Variants in SCEL observed in about 807,000 individuals in gnomAD.
The protein encoded by SCEL is sciellin.
A neutral mutation model predicts 117.6 loss-of-function variants in SCEL; 113 were observed. The ratio of observed to expected loss-of-function variants is 0.96; its 90% CI spans 0.83 to 1.12. SCEL has a LOEUF of 1.12. Ranked by LOEUF, SCEL falls within the 50% of genes most tolerant of loss-of-function variation. SCEL has a pLI of 0.00. For synonymous variants in SCEL, 270 were observed against 256.2 expected, an observed-to-expected ratio of 1.05 and a Z score of -0.51; for missense variants, 785 against 810.8, an observed-to-expected ratio of 0.97 and a Z score of 0.39.
intron 24 of SCEL, 55 bp downstream of exon 24, chr13:77,614,010 A>T: frequency 7.5e-7 from 1 of 1,336,440 alleles, no homozygotes; most frequent in South Asian, 1.2e-5. Context: ...CCCAAAATTA[A>T]TAGAAATGAT....
At chr13:77,597,984 CAG>C (rs1206173163) in intron 13 of SCEL, among the ~76,000 whole-genome samples, 5 of 150,142 alleles carry the variant, frequency 3.3e-5, no homozygotes, top group African/African-American at 5.1e-5. Flanking sequence ...TTTTTTGAGA[CAG>C]AGTCTTACTC....
intron 1 of SCEL, among the ~76,000 whole-genome samples, chr13:77,553,160 G>A (rs966428819): frequency 3.0e-4 from 46 of 152,174 alleles, no homozygotes; most frequent in African/African-American, 9.4e-4. Context: ...ACGTGACTTG[G>A]CCAATAACAA....
intron 24 of SCEL, among the ~76,000 whole-genome samples, chr13:77,617,171 G>A (rs753775179): frequency 7.2e-5 from 11 of 152,102 alleles, no homozygotes; most frequent in Non-Finnish European, 1.6e-4. Context: ...TTGATGGATT[G>A]CTGGACCTGT....
intron 1 of SCEL, among the ~76,000 whole-genome samples, chr13:77,540,125 C>T (rs1466845756): frequency 6.6e-6 from 1 of 152,014 alleles, no homozygotes; most frequent in Non-Finnish European, 1.5e-5. Flanking sequence ...CTCCCATTAC[C>T]AAAGTAAATC....
chr13:77,619,416 C>T (rs2089284911), intron 27 of SCEL, among the ~76,000 whole-genome samples: 1 of 152,130 alleles, frequency 6.6e-6, no homozygotes, highest in South Asian at 2.1e-4. Flanking sequence ...AGAAAGTACA[C>T]CCTGGACTTA....
At chr13:77,556,510 T>C in intron 2 of SCEL, 86 bp from the exon 3 acceptor site, 1 of 1,058,252 alleles carries the variant, frequency 9.4e-7, no homozygotes, top group Non-Finnish European at 1.5e-6. Flanking sequence ...GCCAATCAGA[T>C]GTGCCTCTCA....
At chr13:77,588,850 T>C (rs1032446999) in intron 9 of SCEL, among the ~76,000 whole-genome samples, 13 of 152,308 alleles carry the variant, frequency 8.5e-5, no homozygotes, top group South Asian at 8.3e-4. Flanking sequence ...TAGAGCTAGA[T>C]ATACTAGCAA....
chr13:77,608,217 G>GCCTTT, intron 20 of SCEL, 102 bp downstream of exon 20: 2 of 822,680 alleles, frequency 2.4e-6, no homozygotes, highest in Non-Finnish European at 3.9e-6. Context: ...GATCAGAAAG[G>GCCTTT]CTGAACCCCA....
In SCEL at chr13:77,589,279, A is replaced by G. The variant is rs1040951134; in HGVS notation, c.626+55A>G. The G allele has an allele frequency of 9.7e-6, 13 of 1,345,124 alleles. No homozygotes were observed. In the African/African-American group the frequency reaches 1.4e-4, roughly 15 times the overall value. The allele number at this position is 1,345,124 out of a possible 1,614,324, so 83.3% of individuals were successfully genotyped here. On this transcript the variant is annotated intron_variant, in intron 10 of 32. Coordinates refer to ENST00000349847, the MANE Select transcript of SCEL (RefSeq NM_144777.3). ...CAAAATGAAGTTCAAGGGAAATGAA[A>G]GTAAATGGACTGTGACCCGCTGTGG...
At chr13:77,609,828 C>T (rs957247061) in intron 21 of SCEL, among the ~76,000 whole-genome samples, 1 of 152,120 alleles carries the variant, frequency 6.6e-6, no homozygotes, top group Non-Finnish European at 1.5e-5. Flanking sequence ...GGACATCAAA[C>T]ATTTTCTAGA....
At chr13:77,619,804 A>G (rs2089310781) in intron 27 of SCEL, among the ~76,000 whole-genome samples, 1 of 152,168 alleles carries the variant, frequency 6.6e-6, no homozygotes, top group Non-Finnish European at 1.5e-5. Context: ...TAGGTTCAAT[A>G]ACCATGTTAT....
rs761544158 is a variant in SCEL at position 77,642,809 on chromosome 13, G to C, written c.2050+1G>C. The C allele has an allele frequency of 2.6e-6, 4 of 1,544,100 alleles. No individual in the cohort carries two copies. In the African/African-American group the frequency reaches 5.5e-5, roughly 21 times the overall value. On this transcript the variant is annotated splice_donor_variant, in intron 32 of 32. Coordinates refer to ENST00000349847, the MANE Select transcript of SCEL (RefSeq NM_144777.3). LOFTEE classifies it high-confidence loss of function. Reference sequence around the variant, plus strand: ...GAACCTTGCTACTCTAAAATTATGGGTAAGTGTTACACTCTAAGCATTTAA... The same window carrying C: ...GAACCTTGCTACTCTAAAATTATGGCTAAGTGTTACACTCTAAGCATTTAA...
At chr13:77,629,705 A>C (rs903209263) in intron 28 of SCEL, among the ~76,000 whole-genome samples, 1 of 152,180 alleles carries the variant, frequency 6.6e-6, no homozygotes, top group African/African-American at 2.4e-5. Flanking sequence ...GTGATCGGAG[A>C]CTTCAGAATG....
chr13:77,580,456 C>T (rs2086203987), intron 9 of SCEL, among the ~76,000 whole-genome samples: 1 of 152,274 alleles, frequency 6.6e-6, no homozygotes, highest in South Asian at 2.1e-4. Context: ...AGGTGCATCA[C>T]AAGGAACTAG....
intron 20 of SCEL, 55 bp from the exon 21 acceptor site, chr13:77,609,003 T>C: frequency 7.3e-7 from 1 of 1,362,484 alleles, no homozygotes; most frequent in Non-Finnish European, 1.0e-6. Context: ...ATCAAAACAG[T>C]CAATTGATTT....
At chr13:77,635,038 C>T (rs993128738) in intron 29 of SCEL, among the ~76,000 whole-genome samples, 1 of 152,120 alleles carries the variant, frequency 6.6e-6, no homozygotes, top group Non-Finnish European at 1.5e-5. Context: ...GTGGGGCACA[C>T]AAATGCTGGT....
At chr13:77,574,841 A>G (rs1593989657) in intron 9 of SCEL, among the ~76,000 whole-genome samples, 1 of 152,162 alleles carries the variant, frequency 6.6e-6, no homozygotes, top group East Asian at 1.9e-4. Context: ...TCTTTCACTA[A>G]TACACTGGTA....
chr13:77,610,059 C>G lies in SCEL; in HGVS notation c.1290C>G (p.Leu430=), dbSNP rs147624140. The change falls in exon 22 of 33, where the codon CTC becomes CTG. Residue 430 remains leucine, a synonymous_variant. Transcript: ENST00000349847. ...CTATGTTTTTAAGGGGCCAAAGTCT[C>G]GACAGCCTCATTAAAGTGACTCCTG... ...TEKSTEGGQS[L]DSLIKVTPER... is the part of the protein sequence containing the mutation. 1 of 1,609,462 alleles carries G rather than the reference C, an allele frequency of 6.2e-7. No homozygotes were observed. The highest frequency in any genetic ancestry group is 8.5e-7 in the Non-Finnish European group (1 of 1,177,552).
chr13:77,567,349 G>A (rs2085346027), intron 5 of SCEL, among the ~76,000 whole-genome samples: 2 of 152,156 alleles, frequency 1.3e-5, no homozygotes, highest in Admixed American at 1.3e-4. Flanking sequence ...AGCTGCTCAG[G>A]AGGCTGAGGC....
Sources: gnomAD v4.1 joint callset for allele counts (sites outside exome capture counted in the v4.1 genomes callset) on GRCh38, gnomAD v4.1.1 for gene constraint, MANE v1.5 for transcripts, NCBI Gene and HGNC (gene_info 2026-07-23, HGNC 2026-07-21) for gene names.